The following ANKRD30BL variants were observed in gnomAD, a reference collection of about 807,000 sequenced individuals.
ANKRD30BL encodes putative ankyrin repeat domain-containing protein 30B-like.
Under a neutral mutation model 18.4 loss-of-function variants are expected in ANKRD30BL, and 20 were observed. The observed-to-expected ratio is 1.09, with a 90% CI of 0.77 to 1.58. ANKRD30BL has a LOEUF of 1.58. Among genes scored for constraint, ANKRD30BL ranks in the 40% most tolerant of loss-of-function variants. The pLI is 0.00. For synonymous variants in ANKRD30BL, 72 were observed against 100.9 expected (o/e 0.71, Z 1.72); for missense variants, 224 against 268.6 (o/e 0.83, Z 1.16).
rs1688056819 is a variant in ANKRD30BL at position 132,161,498 on chromosome 2, C to T, written c.208G>A (p.Ala70Thr). The T allele has an allele frequency of 6.9e-7, 1 of 1,456,390 alleles. No homozygotes were observed. The highest frequency in any genetic ancestry group is 9.4e-7 in the Non-Finnish European group (1 of 1,063,224). 90.2% of individuals were successfully genotyped at this position (1,456,390 alleles called of 1,614,324 possible). A position where few individuals can be genotyped will look rare whatever the true frequency, so the allele number is the denominator to read the frequency against. Residue 70 changes from alanine (A) to threonine (T), a missense_variant, in exon 1 of 6, where the codon GCG (alanine) becomes ACG (threonine). Coordinates refer to ENST00000409867, the MANE Select transcript of ANKRD30BL (RefSeq NM_001358416.1). ...KTTMDLNIRD[A>T]KKRTALYWAC... ...GGCAGGGCCTGGTACCTCTTCTTCG[C>T]ATCTCTTATGTTCAGGTCCATTGTC...
chr2:132,235,782 C>T (rs1267182285), intron 1 of ANKRD30BL, among the ~76,000 whole-genome samples: 1 of 152,198 alleles, frequency 6.6e-6, no homozygotes, highest in East Asian at 1.9e-4. Flanking sequence ...TTTACAGATT[C>T]AATGCCTTCC....
At chr2:132,169,511 G>A (rs562336023) in intron 1 of ANKRD30BL, among the ~76,000 whole-genome samples, 12 of 152,258 alleles carry the variant, frequency 7.9e-5, no homozygotes, top group East Asian at 1.9e-4. Context: ...GCTGGGCGTC[G>A]TGGTGCATGC....
chr2:132,207,943 A>T (rs1287236082), intron 1 of ANKRD30BL, among the ~76,000 whole-genome samples: 13 of 152,096 alleles, frequency 8.5e-5, no homozygotes, highest in Non-Finnish European at 4.4e-5. Context: ...ATGATTGAGC[A>T]TTCCTTCTTA....
At chr2:132,252,495 C>T (rs36193154) in intron 1 of ANKRD30BL, among the ~76,000 whole-genome samples, 2 of 146,534 alleles carry the variant, frequency 1.4e-5, no homozygotes, top group Middle Eastern at 3.2e-3. Flanking sequence ...GGCCGTGTGG[C>T]AGGCTTCCAG....
At chr2:132,195,103 A>T (rs571487735) in intron 1 of ANKRD30BL, among the ~76,000 whole-genome samples, 7 of 152,302 alleles carry the variant, frequency 4.6e-5, no homozygotes, top group Non-Finnish European at 7.3e-5. Context: ...GGAAAAAGTG[A>T]AAAATCAGTA....
At chr2:132,183,708 C>T (rs1415711134) in intron 1 of ANKRD30BL, among the ~76,000 whole-genome samples, 6 of 151,332 alleles carry the variant, frequency 4.0e-5, no homozygotes, top group South Asian at 4.2e-4. Context: ...TATGTGTATA[C>T]GTGTATATAT....
chr2:132,221,525 A>G (rs867062757), intron 1 of ANKRD30BL, among the ~76,000 whole-genome samples: 10,033 of 66,346 alleles, frequency 0.15, 945 homozygotes, highest in African/African-American at 0.38. Flanking sequence ...CTGGCCAGCC[A>G]CCCCGTCCGG....
At chr2:132,214,422 T>C (rs1573850102) in intron 1 of ANKRD30BL, among the ~76,000 whole-genome samples, 1 of 151,850 alleles carries the variant, frequency 6.6e-6, no homozygotes, top group East Asian at 1.9e-4. Context: ...GATTCAGAAG[T>C]TTGGAAACAC....
At chr2:132,221,819 G>A (rs1459591073) in intron 1 of ANKRD30BL, among the ~76,000 whole-genome samples, 4 of 117,666 alleles carry the variant, frequency 3.4e-5, no homozygotes, top group Non-Finnish European at 6.8e-5. Context: ...GGAGGGAGGT[G>A]GGGGGGTCAG....
chr2:132,241,116 T>C (rs1680306751), intron 1 of ANKRD30BL, among the ~76,000 whole-genome samples: 1 of 151,556 alleles, frequency 6.6e-6, no homozygotes, highest in South Asian at 2.1e-4. Context: ...ACTCTTTTTG[T>C]ATATCTGCAA....
intron 1 of ANKRD30BL, among the ~76,000 whole-genome samples, chr2:132,253,464 G>A (rs76658560): frequency 1.3e-5 from 2 of 152,230 alleles, no homozygotes; most frequent in South Asian, 2.1e-4. Flanking sequence ...AGGTGGTGCC[G>A]ACCACAGTGG....
At chr2:132,198,599 A>AGGCAT (rs1307580977) in intron 1 of ANKRD30BL, among the ~76,000 whole-genome samples, 9 of 150,726 alleles carry the variant, frequency 6.0e-5, no homozygotes, top group Non-Finnish European at 8.8e-5. Context: ...CTGGGATCAC[A>AGGCAT]GGCATGAGCC....
intron 1 of ANKRD30BL, among the ~76,000 whole-genome samples, chr2:132,176,676 A>G (rs1688372012): frequency 6.6e-6 from 1 of 152,188 alleles, no homozygotes; most frequent in Admixed American, 6.6e-5. Flanking sequence ...CTGTGATCCC[A>G]GATACTCGGG....
At chr2:132,217,690 T>C (rs186519659) in intron 1 of ANKRD30BL, among the ~76,000 whole-genome samples, 1 of 152,274 alleles carries the variant, frequency 6.6e-6, no homozygotes, top group Non-Finnish European at 1.5e-5. Flanking sequence ...TTTCTTTTTA[T>C]AGAGCAGTTT....
chr2:132,254,310 G>A (rs1253522224), intron 1 of ANKRD30BL, among the ~76,000 whole-genome samples: 1 of 152,214 alleles, frequency 6.6e-6, no homozygotes, highest in African/African-American at 2.4e-5. Context: ...AAGGAGGAAG[G>A]ACATGGCGGC....
intron 1 of ANKRD30BL, among the ~76,000 whole-genome samples, chr2:132,217,812 T>C (rs866426394): frequency 6.6e-6 from 1 of 151,450 alleles, no homozygotes; most frequent in South Asian, 2.1e-4. Context: ...TCTCAGAAAC[T>C]TTTTTGTGAT....
At chr2:132,191,141 C>T (rs1678842025) in intron 1 of ANKRD30BL, among the ~76,000 whole-genome samples, 1 of 152,192 alleles carries the variant, frequency 6.6e-6, no homozygotes, top group Non-Finnish European at 1.5e-5. Flanking sequence ...CTGCAACCTA[C>T]CACTATAAAT....
intron 1 of ANKRD30BL, among the ~76,000 whole-genome samples, chr2:132,221,999 G>T (rs1679702015): frequency 7.3e-6 from 1 of 136,522 alleles, no homozygotes; most frequent in Non-Finnish European, 1.6e-5. Flanking sequence ...ACTGGGAAGT[G>T]AGGAGCCCCT....
chr2:132,220,242 C>T (rs375396097), intron 1 of ANKRD30BL, among the ~76,000 whole-genome samples: 7 of 151,640 alleles, frequency 4.6e-5, no homozygotes, highest in Non-Finnish European at 7.4e-5. Context: ...AGTGTTGAAC[C>T]TTTCTTTTGA....
Sources: allele counts gnomAD v4.1 joint callset (sites outside exome capture counted in the v4.1 genomes callset), GRCh38; gene constraint gnomAD v4.1.1; transcripts MANE v1.5; gene names NCBI Gene and HGNC (gene_info 2026-07-23, HGNC 2026-07-21).